The following ABHD2 variants were observed in gnomAD, a reference collection of about 807,000 sequenced individuals.
ABHD2 encodes abhydrolase domain containing 2, acylglycerol lipase, also known as monoacylglycerol lipase ABHD2.
Under a neutral mutation model 48.1 loss-of-function variants are expected in ABHD2, and 20 were observed. The observed-to-expected ratio is 0.42, with a 90% CI of 0.29 to 0.60. ABHD2 has a LOEUF of 0.60. ABHD2 is among the 20% of genes least tolerant of loss of function. The pLI is 0.24. For missense variants in ABHD2, 405 were observed against 550.9 expected (o/e 0.74, Z 2.65); for synonymous variants, 209 against 214.2 (o/e 0.98, Z 0.21).
rs1001848308 is a variant in ABHD2 at position 89,088,762 on chromosome 15, G to C, written c.-107+199G>C. Among the ~76,000 whole-genome samples, 3 of 152,344 alleles carry C rather than the reference G, an allele frequency of 2.0e-5. No homozygotes were observed. The East Asian group carries it at 5.8e-4, about 29-fold the overall frequency. The stretch of plus-strand genomic sequence containing the variant: ...CAGTGGTGGGGACAGCCCAGATCGC[G>C]GCGGGGGATACGCCTTCCTGAGGCC... On this transcript the variant is annotated intron_variant, in intron 1 of 10. Transcript: ENST00000352732. This position sits in a 1 kb window ranked among gnomAD's most constrained non-coding sequence, Gnocchi z 6.8.
At position 89,201,688 on chromosome 15, in the gene ABHD2, A is replaced by T; in HGVS notation, c.*6265A>T. On this transcript the variant is annotated 3_prime_UTR_variant, in exon 11 of 11. Coordinates refer to ENST00000352732, the MANE Select transcript of ABHD2 (RefSeq NM_152924.5). ...ACTTTTCTATCCGATGGATTTCGCA[A>T]TTTAAGATTTGTAGTGACTACATCT... 4.4e-6 allele frequency: 7 copies of T among 1,608,654 alleles called. No individual in the cohort carries two copies. Among genetic ancestry groups the T allele is most frequent in the Non-Finnish European group, 6.0e-6 (7 of 1,175,022 alleles).
chr15:89,049,367 G>T, the ABHD2 span, among the ~76,000 whole-genome samples: 2 of 152,374 alleles, frequency 1.3e-5, no homozygotes, highest in African/African-American at 4.8e-5. Context: ...GCCCCCAGAG[G>T]TGGAGCCTAC....
At position 89,182,065 on chromosome 15, in the gene ABHD2, A is replaced by G. The variant is rs1478820267; in HGVS notation, c.723-3359A>G. Among the ~76,000 whole-genome samples, 1 of 152,202 alleles carries G rather than the reference A, an allele frequency of 6.6e-6. No homozygotes were observed. Among genetic ancestry groups the G allele is most frequent in the Non-Finnish European group, 1.5e-5 (1 of 68,032 alleles). On this transcript the variant is annotated intron_variant, in intron 6 of 10. Transcript: ENST00000352732. This position sits in a 1 kb window ranked among gnomAD's most constrained non-coding sequence, Gnocchi z 4.8. ...AATGAAGGCATTTTCAGGGAATTCT[A>G]TTTATGTTGGTAATAGGTAGATCAA...
the ABHD2 span, among the ~76,000 whole-genome samples, chr15:89,060,924 A>G: frequency 6.6e-6 from 1 of 152,162 alleles, no homozygotes; most frequent in Non-Finnish European, 1.5e-5. Flanking sequence ...TAATGAAATC[A>G]TGTCCTTTGC....
At chr15:89,124,540 A>G (rs2050103123) in intron 3 of ABHD2, among the ~76,000 whole-genome samples, 1 of 152,246 alleles carries the variant, frequency 6.6e-6, no homozygotes, top group African/African-American at 2.4e-5. Context: ...GCTCACAGAC[A>G]TTCCACATCA....
At chr15:89,093,960 C>G (rs923866112) in intron 1 of ABHD2, 3 of 152,200 alleles carry the variant, frequency 2.0e-5, no homozygotes, top group African/African-American at 7.2e-5. Flanking sequence ...TGTGCCTTAA[C>G]CTTCGTCTTG....
the ABHD2 span, among the ~76,000 whole-genome samples, chr15:89,060,651 T>C: frequency 6.6e-6 from 1 of 152,262 alleles, no homozygotes; most frequent in Non-Finnish European, 1.5e-5. Flanking sequence ...GTAATCTGTT[T>C]CTTCTTTTAT....
intron 5 of ABHD2, among the ~76,000 whole-genome samples, chr15:89,171,013 G>A (rs1195743998): frequency 6.6e-6 from 1 of 152,152 alleles, no homozygotes; most frequent in Non-Finnish European, 1.5e-5. Flanking sequence ...CTACTCACGA[G>A]GCTGAGGCAG....
rs2051387272 is a variant in ABHD2, at chr15:89,195,524, A to G, written c.*101A>G. On this transcript the variant is annotated 3_prime_UTR_variant, in exon 11 of 11. Coordinates refer to ENST00000352732, the MANE Select transcript of ABHD2 (RefSeq NM_152924.5). This position sits in a 1 kb window ranked among gnomAD's most constrained non-coding sequence, Gnocchi z 5.1. ...CATCTCCCTCAGTGACCTGGATCTGACCTCACACCATCAGCAGGGGGCACC... is the reference window on the plus strand; with the variant it reads ...CATCTCCCTCAGTGACCTGGATCTGGCCTCACACCATCAGCAGGGGGCACC... 3.1e-6 allele frequency: 4 copies of G among 1,306,676 alleles called. No homozygotes were observed. 80.9% of individuals were successfully genotyped at this position (1,306,676 alleles called of 1,614,324 possible).
chr15:89,185,343 A>G lies in ABHD2; in HGVS notation c.723-81A>G. 1 of 1,079,564 alleles carries G rather than the reference A, an allele frequency of 9.3e-7. No homozygotes were observed. The highest frequency in any genetic ancestry group is 1.3e-5 in the South Asian group (1 of 76,490). 66.9% of individuals were successfully genotyped at this position (1,079,564 alleles called of 1,614,324 possible). The stretch of plus-strand genomic sequence containing the variant: ...CCGGCCCTCTCCACACAAGCACCTC[A>G]CCCCATGGCTAGAGCCCCCTCCTGG... On this transcript the variant is annotated intron_variant, in intron 6 of 10. Coordinates refer to ENST00000352732, the MANE Select transcript of ABHD2 (RefSeq NM_152924.5). The surrounding 1 kb of genome is among the most constrained non-coding windows in gnomAD (Gnocchi z 5.9).
upstream of ABHD2, among the ~76,000 whole-genome samples, chr15:89,086,836 C>T (rs879715786): frequency 3.3e-5 from 5 of 152,140 alleles, no homozygotes; most frequent in Admixed American, 6.6e-5. Flanking sequence ...AGAGTCAGGA[C>T]GATGGGGTTC....
At position 89,186,270 on chromosome 15, in the gene ABHD2, T is replaced by C. The variant is rs1004745000; in HGVS notation, c.815+754T>C. Among the ~76,000 whole-genome samples, 1 of 152,186 alleles carries C rather than the reference T, an allele frequency of 6.6e-6. No individual in the cohort carries two copies. Among genetic ancestry groups the C allele is most frequent in the African/African-American group, 2.4e-5 (1 of 41,462 alleles). On this transcript the variant is annotated intron_variant, in intron 7 of 10. Transcript: ENST00000352732. This position sits in a 1 kb window ranked among gnomAD's most constrained non-coding sequence, Gnocchi z 4.3. The stretch of plus-strand genomic sequence containing the variant: ...AGTTTGAGCCTCTCCTTATTCTTCA[T>C]GCTTGTCCTGCCTCTCCGCCTCGTA...
At position 89,175,796 on chromosome 15, in the gene ABHD2, A is replaced by T; in HGVS notation, c.539-16A>T. The T allele has an allele frequency of 6.2e-7, 1 of 1,613,646 alleles. No homozygotes were observed. Among genetic ancestry groups the T allele is most frequent in the East Asian group, 2.2e-5 (1 of 44,870 alleles). The stretch of plus-strand genomic sequence containing the variant: ...GCACCTGAAATGATTGAGCAATCTC[A>T]CCCTTTTGCCCACAGGCTGCACGTG... On this transcript the variant is annotated splice_polypyrimidine_tract_variant and intron_variant, in intron 5 of 10. Coordinates refer to ENST00000352732, the MANE Select transcript of ABHD2 (RefSeq NM_152924.5). The surrounding 1 kb of genome is among the most constrained non-coding windows in gnomAD (Gnocchi z 5.7).
intron 1 of ABHD2, among the ~76,000 whole-genome samples, chr15:89,109,162 AGGGGAG>A (rs796686642): frequency 3.9e-5 from 6 of 152,278 alleles, no homozygotes; most frequent in African/African-American, 1.2e-4. Context: ...GCTTTTAGCC[AGGGGAG>A]AGCAGAAAGA....
chr15:89,139,942 G>T (rs1188199632), intron 3 of ABHD2, among the ~76,000 whole-genome samples: 2 of 152,198 alleles, frequency 1.3e-5, no homozygotes, highest in Admixed American at 6.5e-5. Flanking sequence ...TGAGTGTGCA[G>T]TTGTCTGGAG....
rs538198111 is a variant in ABHD2, at chr15:89,199,304, C to G, written c.*3881C>G. On this transcript the variant is annotated 3_prime_UTR_variant, in exon 11 of 11. Transcript: ENST00000352732. This position sits in a 1 kb window ranked among gnomAD's most constrained non-coding sequence, Gnocchi z 4.1. ...CTGACTTAGAGCTGAAGTAAAAGAT[C>G]ACTGAAACATCACGTCAAGTTGAAG... The G allele has an allele frequency of 2.0e-5, 3 of 152,330 alleles. No individual in the cohort carries two copies. In the East Asian group the frequency reaches 5.8e-4, roughly 29 times the overall value. 9.4% of individuals were successfully genotyped at this position (152,330 alleles called of 1,614,324 possible).
chr15:89,088,305 C>G (rs745615288), upstream of ABHD2: 1 of 152,426 alleles, frequency 6.6e-6, no homozygotes, highest in East Asian at 1.9e-4. The surrounding 1 kb of genome is among the most constrained non-coding windows in gnomAD (Gnocchi z 6.8). Flanking sequence ...ATCAATGGAT[C>G]CCCTCCTAGA....
Position 89,195,761 on chromosome 15 carries a change from G to A in ABHD2, c.*338G>A. 1 of 238,696 alleles carries A rather than the reference G, an allele frequency of 4.2e-6. No individual in the cohort carries two copies. Among genetic ancestry groups the A allele is most frequent in the South Asian group, 7.0e-5 (1 of 14,382 alleles). 14.8% of individuals were successfully genotyped at this position (238,696 alleles called of 1,614,324 possible). On this transcript the variant is annotated 3_prime_UTR_variant, in exon 11 of 11. Coordinates refer to ENST00000352732, the MANE Select transcript of ABHD2 (RefSeq NM_152924.5). This position sits in a 1 kb window ranked among gnomAD's most constrained non-coding sequence, Gnocchi z 5.1. The stretch of plus-strand genomic sequence containing the variant: ...TGTGTCTGAATAGCGATTTTGCTTT[G>A]CCACCAAAAGGCTTTTCCCTGAGAA...
At chr15:89,067,864 T>C in the ABHD2 span, among the ~76,000 whole-genome samples, 1 of 152,174 alleles carries the variant, frequency 6.6e-6, no homozygotes. Context: ...GGGTCTCCAC[T>C]CACAGCCTGA....
Sources: gnomAD v4.1 joint callset for allele counts (sites outside exome capture counted in the v4.1 genomes callset) on GRCh38, gnomAD v4.1.1 for gene constraint, Gnocchi (gnomAD v3.1) non-coding constraint, MANE v1.5 for transcripts, NCBI Gene and HGNC (gene_info 2026-07-23, HGNC 2026-07-21) for gene names.